ASAP1: variants seen among roughly 807,000 people sequenced by gnomAD.
ASAP1 encodes the protein arf-GAP with SH3 domain, ANK repeat and PH domain-containing protein 1.
ASAP1 carries 43 observed loss-of-function variants against 145.2 expected under a neutral mutation model. The ratio of observed to expected loss-of-function variants is 0.30; its 90% confidence interval spans 0.23 to 0.38. The LOEUF (loss-of-function observed/expected upper bound fraction) is 0.38. Ranked by LOEUF, ASAP1 falls within the 10% of genes least tolerant of loss-of-function variation. ASAP1 has a pLI of 1.00. For synonymous variants in ASAP1, 546 were observed against 515.5 expected (o/e 1.06, Z -0.80); for missense variants, 1,018 against 1,355.3 (o/e 0.75, Z 3.91).
intron 1 of ASAP1, among the ~76,000 whole-genome samples, chr8:130,413,488 C>T (rs77195801): frequency 0.016 from 2,413 of 152,296 alleles, 63 homozygotes; most frequent in African/African-American, 0.055. Flanking sequence ...CCCAACACTG[C>T]TATGATATCA....
chr8:130,072,823 G>GTGTGTGTGTGTGTGCGCGTGTGCA (rs2097450694), intron 27 of ASAP1, among the ~76,000 whole-genome samples: 1 of 72,628 alleles, frequency 1.4e-5, no homozygotes, highest in Non-Finnish European at 2.7e-5. Flanking sequence ...GTGTGTGTGT[G>GTGTGTGTGTGTGTGCGCGTGTGCA]TGCGCGCGGG....
chr8:130,192,931 T>C (rs564834820), intron 5 of ASAP1, among the ~76,000 whole-genome samples: 10 of 152,344 alleles, frequency 6.6e-5, no homozygotes, highest in African/African-American at 2.4e-4. Context: ...AATAGGGCAC[T>C]GGCTAAATAA....
chr8:130,330,178 A>G (rs961352713), intron 3 of ASAP1, among the ~76,000 whole-genome samples: 2 of 152,250 alleles, frequency 1.3e-5, no homozygotes, highest in Admixed American at 1.3e-4. Context: ...AAAGACAGAG[A>G]GAGAGATTGC....
At chr8:130,140,499 T>C (rs1487328312) in intron 13 of ASAP1, among the ~76,000 whole-genome samples, 1 of 152,178 alleles carries the variant, frequency 6.6e-6, no homozygotes, top group Non-Finnish European at 1.5e-5. Context: ...TAGTTACCTT[T>C]TCTGCTCCTT....
At chr8:130,191,270 G>A (rs1330152061) in intron 5 of ASAP1, among the ~76,000 whole-genome samples, 1 of 152,166 alleles carries the variant, frequency 6.6e-6, no homozygotes, top group East Asian at 1.9e-4. Flanking sequence ...TCTTCAAGGA[G>A]ACCCCAAGTA....
intron 2 of ASAP1, chr8:130,361,793 C>T (rs1486864951): frequency 6.7e-7 from 1 of 1,483,008 alleles, no homozygotes; most frequent in Admixed American, 2.0e-5. Context: ...TAGAGACTGA[C>T]ATGGGCAAAA....
chr8:130,158,053 G>A (rs981095220), intron 12 of ASAP1, among the ~76,000 whole-genome samples: 2 of 152,120 alleles, frequency 1.3e-5, no homozygotes, highest in Admixed American at 6.5e-5. Flanking sequence ...GAATGCATGA[G>A]TAGAATAATA....
intron 13 of ASAP1, among the ~76,000 whole-genome samples, chr8:130,151,270 C>G (rs1330659637): frequency 6.7e-6 from 1 of 149,294 alleles, no homozygotes; most frequent in Non-Finnish European, 1.5e-5. Context: ...ACTCAAGAGG[C>G]TGAGGCAGGA....
At chr8:130,327,200 A>C (rs1303659715) in intron 3 of ASAP1, among the ~76,000 whole-genome samples, 1 of 152,160 alleles carries the variant, frequency 6.6e-6, no homozygotes, top group Admixed American at 6.5e-5. Flanking sequence ...CTTGGATTTG[A>C]GTGTTGTGGC....
chr8:130,248,143 T>C (rs1022033221), intron 3 of ASAP1, among the ~76,000 whole-genome samples: 4 of 152,056 alleles, frequency 2.6e-5, no homozygotes, highest in African/African-American at 7.2e-5. Context: ...TTTATCTACC[T>C]GGTATTTCTA....
intron 23 of ASAP1, 48 bp from the exon 24 acceptor site, chr8:130,112,370 C>T (rs1393932601): frequency 6.4e-7 from 1 of 1,563,450 alleles, no homozygotes; most frequent in Non-Finnish European, 8.8e-7. Context: ...GACCACCCTT[C>T]ATGTGTACAG....
At chr8:130,355,935 T>C (rs946183539) in intron 3 of ASAP1, among the ~76,000 whole-genome samples, 4 of 152,198 alleles carry the variant, frequency 2.6e-5, no homozygotes, top group South Asian at 2.1e-4. Flanking sequence ...TCCTGAAACA[T>C]TGCTATATTT....
intron 3 of ASAP1, among the ~76,000 whole-genome samples, chr8:130,352,469 T>G (rs2138066442): frequency 6.6e-6 from 1 of 152,318 alleles, no homozygotes; most frequent in East Asian, 1.9e-4. Flanking sequence ...CAAAGACTGA[T>G]GAGCTCTATC....
chr8:130,323,189 G>A lies in ASAP1; in HGVS notation c.186+34828C>T, dbSNP rs541270566. Among the ~76,000 whole-genome samples, 64 of 152,316 alleles carry A rather than the reference G, an allele frequency of 4.2e-4. No homozygotes were observed. In the South Asian group the frequency reaches 0.013, roughly 31 times the overall value. ...AGACTCCGTTCTGGATCATCACCAT[G>A]TTCCTGGGGAGGACAAGATTCCTAA... On this transcript the variant is annotated intron_variant, in intron 3 of 29. Coordinates refer to ENST00000518721, the MANE Select transcript of ASAP1 (RefSeq NM_018482.4).
chr8:130,224,312 T>C (rs1817465436), intron 4 of ASAP1, among the ~76,000 whole-genome samples: 1 of 152,220 alleles, frequency 6.6e-6, no homozygotes, highest in African/African-American at 2.4e-5. Context: ...AAAGGGGAAG[T>C]GACAAATTCT....
chr8:130,338,331 A>C (rs1186992207), intron 3 of ASAP1, among the ~76,000 whole-genome samples: 2 of 152,224 alleles, frequency 1.3e-5, no homozygotes, highest in Non-Finnish European at 2.9e-5. Flanking sequence ...GGTTTACATC[A>C]GTGGATGTAG....
At chr8:130,295,804 C>A (rs1822236541) in intron 3 of ASAP1, among the ~76,000 whole-genome samples, 1 of 152,074 alleles carries the variant, frequency 6.6e-6, no homozygotes, top group South Asian at 2.1e-4. Flanking sequence ...CAATCCCTAA[C>A]TAGGATTCAT....
At chr8:130,371,454 T>G (rs1410571939) in intron 2 of ASAP1, among the ~76,000 whole-genome samples, 2 of 152,252 alleles carry the variant, frequency 1.3e-5, no homozygotes, top group Non-Finnish European at 2.9e-5. Context: ...CCAGTTTGAT[T>G]CGGGGCAGCA....
rs554954222 is a variant in ASAP1 at position 130,381,854 on chromosome 8, T to C, written c.59+20031A>G. On this transcript the variant is annotated intron_variant, in intron 2 of 29. Coordinates refer to ENST00000518721, the MANE Select transcript of ASAP1 (RefSeq NM_018482.4). ...CTGGAATGCCCTGCACGCAGGCCTC[T>C]GCATGCTTGTTCCTTGTCACTCTCC... 2.3e-3 allele frequency among the ~76,000 whole-genome samples: 353 copies of C among 152,312 alleles called. 1 individual carries two copies. The highest frequency in any genetic ancestry group is 8.2e-3 in the African/African-American group (341 of 41,556).
Sources: allele counts gnomAD v4.1 joint callset (sites outside exome capture counted in the v4.1 genomes callset), GRCh38; gene constraint gnomAD v4.1.1; transcripts MANE v1.5; gene names NCBI Gene and HGNC (gene_info 2026-07-23, HGNC 2026-07-21).